FAM83F: variants seen among roughly 807,000 people sequenced by gnomAD.
FAM83F encodes the protein scaffolding CK1 anchoring protein F, also known as protein FAM83F.
In FAM83F, 45 loss-of-function variants were observed where a neutral mutation model predicts 42.9. That is an observed-to-expected ratio of 1.05 (90% confidence interval 0.83 to 1.35). The LOEUF (loss-of-function observed/expected upper bound fraction) is 1.35. Among genes scored for constraint, FAM83F ranks in the 40% most tolerant of loss-of-function variants. The pLI is 0.00. For missense variants in FAM83F, 617 were observed against 695.9 expected (o/e 0.89, Z 1.28); for synonymous variants, 306 against 298.3 (o/e 1.03, Z -0.27).
chr22:40,031,171 T>A lies in FAM83F; in HGVS notation c.*1606T>A, dbSNP rs2067584576. ...TCCCTGAGCTTTTATGAAGGTGAAA[T>A]GCTTCTGGGAAGTGTTTCCTTAGGC... On this transcript the variant is annotated 3_prime_UTR_variant, in exon 5 of 5. Coordinates refer to ENST00000333407, the MANE Select transcript of FAM83F (RefSeq NM_138435.4). 1 of 148,940 alleles carries A rather than the reference T, an allele frequency of 6.7e-6. No individual in the cohort carries two copies. 9.2% of individuals were successfully genotyped at this position (148,940 alleles called of 1,614,324 possible). A position where few individuals can be genotyped will look rare whatever the true frequency, so the allele number is the denominator to read the frequency against.
Position 39,995,087 on chromosome 22 carries a change from C to T in FAM83F, c.45C>T (p.Asn15=), listed in dbSNP as rs534821105. The T allele has an allele frequency of 3.0e-6, 4 of 1,352,116 alleles. No individual in the cohort carries two copies. The South Asian group carries it at 5.7e-5, about 19-fold the overall frequency. 83.8% of individuals were successfully genotyped at this position (1,352,116 alleles called of 1,614,324 possible). The change falls in exon 1 of 5, where the codon AAC becomes AAT. Residue 15 remains asparagine, a synonymous_variant. Transcript: ENST00000333407. The surrounding 1 kb of genome is among the most constrained non-coding windows in gnomAD (Gnocchi z 4.6). ...QLNCLDEAHV[N]EKVTEAQAAF... ...ACTGCCTGGACGAGGCGCACGTGAACGAGAAGGTGACCGAGGCGCAGGCCG... is the reference window on the plus strand; with the variant it reads ...ACTGCCTGGACGAGGCGCACGTGAATGAGAAGGTGACCGAGGCGCAGGCCG...
At position 40,029,593 on chromosome 22, in the gene FAM83F, G is replaced by A; in HGVS notation, c.*28G>A. On this transcript the variant is annotated 3_prime_UTR_variant, in exon 5 of 5. Transcript: ENST00000333407. The stretch of plus-strand genomic sequence containing the variant: ...TGCGGGATGGTGGTGGGCAGGACGT[G>A]TGGATGCCTGCCTGCCCTGCCCTGT... 1.2e-6 allele frequency: 2 copies of A among 1,606,578 alleles called. No homozygotes were observed. Among genetic ancestry groups the A allele is most frequent in the Non-Finnish European group, 1.7e-6 (2 of 1,176,254 alleles).
chr22:40,012,726 C>A (rs1314349408), intron 1 of FAM83F, among the ~76,000 whole-genome samples: 1 of 150,494 alleles, frequency 6.6e-6, no homozygotes, highest in Non-Finnish European at 1.5e-5. Flanking sequence ...GCTGAGATCG[C>A]GCCACTGCAC....
In FAM83F at chr22:40,021,869, C is replaced by T; in HGVS notation, c.1359C>T (p.Pro453=). Residue 453 remains proline (P), a synonymous_variant, in exon 4 of 5, where the codon CCC becomes CCT. Coordinates refer to ENST00000333407, the MANE Select transcript of FAM83F (RefSeq NM_138435.4). The surrounding 1 kb of genome is among the most constrained non-coding windows in gnomAD (Gnocchi z 8.7). ...GCCGAGCCAAGAGGCCTGCGGCGCC[C>T]AATGGCATGGCCAGCTCTGTCTCCA... is the stretch of plus-strand genomic sequence containing the variant. ...FSRRAKRPAA[P]NGMASSVSTE... 6.2e-7 allele frequency: 1 copy of T among 1,611,730 alleles called. No individual in the cohort carries two copies. Among genetic ancestry groups the T allele is most frequent in the Non-Finnish European group, 8.5e-7 (1 of 1,179,170 alleles).
rs1486981809 is a variant in FAM83F at position 40,031,551 on chromosome 22, C to T, written c.*1986C>T. The stretch of plus-strand genomic sequence containing the variant: ...CCTGACATCTAATCTGGGAGGATCC[C>T]TGATTGGAATCTCCAAGTCACCACA... On this transcript the variant is annotated 3_prime_UTR_variant, in exon 5 of 5. Transcript: ENST00000333407. The T allele has an allele frequency of 1.3e-5, 2 of 152,274 alleles. No individual in the cohort carries two copies. Among genetic ancestry groups the T allele is most frequent in the Non-Finnish European group, 2.9e-5 (2 of 68,078 alleles). The allele number at this position is 152,274 out of a possible 1,614,324, so 9.4% of individuals were successfully genotyped here. A position where few individuals can be genotyped will look rare whatever the true frequency, so the allele number is the denominator to read the frequency against.
rs768403243 is a variant in FAM83F at position 40,021,618 on chromosome 22, C to T, written c.1108C>T (p.Arg370Cys). The T allele has an allele frequency of 1.1e-5, 17 of 1,587,806 alleles. No individual in the cohort carries two copies. Among genetic ancestry groups the T allele is most frequent in the Middle Eastern group, 1.7e-4 (1 of 5,962 alleles). ...CGCCAGCGGTGGCGAGTCGGCCTGG[C>T]GCCTGGAGAGCTTCCTGAAAGACCT... Reference protein sequence around the residue: ...EGASGGESAWRLESFLKDLVT... With the variant: ...EGASGGESAWCLESFLKDLVT... The change falls in exon 4 of 5, where the codon CGC becomes TGC. Residue 370 changes from arginine to cysteine, a missense_variant. Coordinates refer to ENST00000333407, the MANE Select transcript of FAM83F (RefSeq NM_138435.4). This position sits in a 1 kb window ranked among gnomAD's most constrained non-coding sequence, Gnocchi z 8.7.
chr22:40,010,977 A>G (rs985143921), intron 1 of FAM83F, among the ~76,000 whole-genome samples: 1 of 152,120 alleles, frequency 6.6e-6, no homozygotes, highest in African/African-American at 2.4e-5. Flanking sequence ...TTGGTTGGCT[A>G]TTTTGGACCC....
chr22:40,013,131 T>C (rs2067476160), intron 1 of FAM83F, among the ~76,000 whole-genome samples: 1 of 150,140 alleles, frequency 6.7e-6, no homozygotes, highest in South Asian at 2.1e-4. Context: ...TACATACTTA[T>C]TAGCGTAATT....
chr22:40,016,098 G>T (rs1171372042), intron 1 of FAM83F, among the ~76,000 whole-genome samples: 1 of 152,184 alleles, frequency 6.6e-6, no homozygotes, highest in Non-Finnish European at 1.5e-5. Flanking sequence ...AAAAAAGGAT[G>T]AAATCAGGAG....
chr22:40,012,371 G>T (rs1455197729), intron 1 of FAM83F, among the ~76,000 whole-genome samples: 3 of 152,046 alleles, frequency 2.0e-5, no homozygotes, highest in Non-Finnish European at 2.9e-5. Flanking sequence ...CTGACCTCAG[G>T]TGATCCATCC....
At chr22:40,015,045 G>A (rs1209053915) in intron 1 of FAM83F, among the ~76,000 whole-genome samples, 2 of 152,204 alleles carry the variant, frequency 1.3e-5, no homozygotes, top group African/African-American at 4.8e-5. Context: ...ATTAGTCAGG[G>A]TTCTCCAGAG....
At chr22:40,003,294 T>C (rs1004913067) in intron 1 of FAM83F, among the ~76,000 whole-genome samples, 1 of 152,148 alleles carries the variant, frequency 6.6e-6, no homozygotes, top group African/African-American at 2.4e-5. Context: ...CCCTGGGACT[T>C]ACGCCCCTCC....
intron 1 of FAM83F, among the ~76,000 whole-genome samples, chr22:40,005,265 CACCA>C (rs1279658671): frequency 7.9e-5 from 12 of 152,346 alleles, no homozygotes; most frequent in African/African-American, 2.6e-4. Context: ...AGGCTAGTAA[CACCA>C]ACCAGCAGAT....
intron 1 of FAM83F, among the ~76,000 whole-genome samples, chr22:40,002,471 G>A (rs536254868): frequency 2.4e-4 from 37 of 152,272 alleles, no homozygotes; most frequent in African/African-American, 8.9e-4. Context: ...AGAAGTTGGG[G>A]CCTCAGTAAA....
chr22:40,009,392 C>A (rs1434327588), intron 1 of FAM83F, among the ~76,000 whole-genome samples: 3 of 152,180 alleles, frequency 2.0e-5, no homozygotes, highest in African/African-American at 7.2e-5. Context: ...GTCAGCAGGG[C>A]AAGGGGACGG....
Position 39,995,465 on chromosome 22 carries a change from G to A in FAM83F, c.423G>A (p.Pro141=), listed in dbSNP as rs1175794343. Residue 141 remains proline (P), a synonymous_variant, in exon 1 of 5, where the codon CCG becomes CCA. Transcript: ENST00000333407. The surrounding 1 kb of genome is among the most constrained non-coding windows in gnomAD (Gnocchi z 4.6). ...GCCGGGTCACGCTCTTCACCCACCC[G>A]CCCAAGGACGAGAAGGCGCCGCACC... The part of the protein sequence containing the change: ...GVSRVTLFTH[P]PKDEKAPHLK... 6.4e-7 allele frequency: 1 copy of A among 1,572,498 alleles called. No homozygotes were observed. The highest frequency in any genetic ancestry group is 1.2e-5 in the South Asian group (1 of 85,856).
At chr22:40,016,807 G>A (rs1278170848) in intron 1 of FAM83F, among the ~76,000 whole-genome samples, 2 of 151,996 alleles carry the variant, frequency 1.3e-5, no homozygotes, top group Non-Finnish European at 2.9e-5. Flanking sequence ...GGGATTACAG[G>A]CACCCGCCAC....
chr22:40,011,372 A>G (rs964555380), intron 1 of FAM83F, among the ~76,000 whole-genome samples: 1 of 151,960 alleles, frequency 6.6e-6, no homozygotes, highest in African/African-American at 2.4e-5. Context: ...TTTGGTAGAG[A>G]CGGGTTTCAC....
At position 40,021,466 on chromosome 22, in the gene FAM83F, C is replaced by T. The variant is rs769113395; in HGVS notation, c.956C>T (p.Ala319Val). ...RVGLHYSSTV[A>V]RKLINPKYAL... is the part of the protein sequence containing the mutation. The stretch of plus-strand genomic sequence containing the variant: ...GGCCTCCATTACTCCTCCACTGTGG[C>T]TCGAAAGCTTATCAACCCCAAGTAC... Residue 319 changes from alanine (A) to valine (V), a missense_variant, in exon 4 of 5, where the codon GCT (alanine) becomes GTT (valine). Ala to Val is a moderately conservative substitution (Grantham distance 64). Coordinates refer to ENST00000333407, the MANE Select transcript of FAM83F (RefSeq NM_138435.4). This position sits in a 1 kb window ranked among gnomAD's most constrained non-coding sequence, Gnocchi z 8.7. The T allele has an allele frequency of 1.2e-6, 2 of 1,606,450 alleles. No individual in the cohort carries two copies. The highest frequency in any genetic ancestry group is 2.2e-5 in the South Asian group (2 of 90,590).
Sources: allele counts gnomAD v4.1 joint callset (sites outside exome capture counted in the v4.1 genomes callset), GRCh38; gene constraint gnomAD v4.1.1; non-coding constraint Gnocchi (gnomAD v3.1); transcripts MANE v1.5; gene names NCBI Gene and HGNC (gene_info 2026-07-23, HGNC 2026-07-21).